MALRD1: variants seen among roughly 807,000 people sequenced by gnomAD.
The protein encoded by MALRD1 is MAM and LDL receptor class A domain containing 1.
A neutral mutation model predicts 242.1 loss-of-function variants in MALRD1; 247 were observed. The observed-to-expected ratio is 1.02, with a 90% CI of 0.92 to 1.13. MALRD1 has a LOEUF of 1.13. MALRD1 is among the 50% of genes most tolerant of loss of function. The pLI is 0.00. For synonymous variants in MALRD1, 995 were observed against 866.6 expected (o/e 1.15, Z -2.60); for missense variants, 2,989 against 2,533.1 (o/e 1.18, Z -3.86).
In MALRD1 at chr10:19,611,032, A is replaced by T. The variant is rs3852483; in HGVS notation, c.6070+3130A>T. 6.6e-5 allele frequency among the ~76,000 whole-genome samples: 10 copies of T among 151,798 alleles called. No individual in the cohort carries two copies. In the South Asian group the frequency reaches 2.1e-3, roughly 32 times the overall value. On this transcript the variant is annotated intron_variant, in intron 35 of 39. Coordinates refer to ENST00000454679, the MANE Select transcript of MALRD1 (RefSeq NM_001142308.3). ...AACAAGATCGAGGAAACTAGGTTTC[A>T]TAGGCAATGCAAATACTCCCCCCAG...
At chr10:19,246,148 T>A (rs1218224374) in intron 18 of MALRD1, among the ~76,000 whole-genome samples, 1 of 152,152 alleles carries the variant, frequency 6.6e-6, no homozygotes, top group African/African-American at 2.4e-5. Context: ...TGATACTATC[T>A]CAATAGAATA....
chr10:19,059,683 C>T (rs1025267707), intron 1 of MALRD1, among the ~76,000 whole-genome samples: 1 of 151,942 alleles, frequency 6.6e-6, no homozygotes, highest in East Asian at 1.9e-4. Flanking sequence ...TGAGCCACTG[C>T]GCTGGCCCTC....
intron 14 of MALRD1, among the ~76,000 whole-genome samples, chr10:19,198,878 A>G (rs1288662143): frequency 1.3e-5 from 2 of 152,168 alleles, no homozygotes; most frequent in Non-Finnish European, 2.9e-5. Context: ...TTTATTTTAA[A>G]TAATTAATGA....
chr10:19,588,445 T>C (rs1441988589), intron 33 of MALRD1, among the ~76,000 whole-genome samples: 2 of 152,288 alleles, frequency 1.3e-5, no homozygotes, highest in Middle Eastern at 6.8e-3. Flanking sequence ...ATTTGGAGTG[T>C]CCAAGCTCTA....
chr10:19,562,173 G>A (rs1033649828), intron 32 of MALRD1, among the ~76,000 whole-genome samples: 10 of 152,250 alleles, frequency 6.6e-5, no homozygotes, highest in Non-Finnish European at 1.5e-4. Flanking sequence ...GCGGGTGCCT[G>A]TAATCCCAGC....
At chr10:19,096,940 T>C (rs1248648589) in intron 4 of MALRD1, among the ~76,000 whole-genome samples, 1 of 152,212 alleles carries the variant, frequency 6.6e-6, no homozygotes, top group African/African-American at 2.4e-5. Context: ...TCTCCTTTAA[T>C]GAAATTGAAG....
chr10:19,713,210 T>C (rs638933), intron 38 of MALRD1, among the ~76,000 whole-genome samples: 91,555 of 151,998 alleles, frequency 0.6, 28,356 homozygotes, highest in African/African-American at 0.75. Context: ...ACATAAAATA[T>C]TAGTCCAACT....
intron 26 of MALRD1, among the ~76,000 whole-genome samples, chr10:19,369,487 G>A (rs1467696454): frequency 1.4e-5 from 2 of 147,890 alleles, no homozygotes; most frequent in East Asian, 3.9e-4. Context: ...ACTCTGGATG[G>A]AAGTATCATT....
chr10:19,096,420 T>G (rs1206692602), intron 4 of MALRD1, among the ~76,000 whole-genome samples: 1 of 152,206 alleles, frequency 6.6e-6, no homozygotes, highest in African/African-American at 2.4e-5. Context: ...ACGTTATTGC[T>G]GATGTGAAAA....
chr10:19,684,163 G>T (rs115422836), intron 36 of MALRD1, among the ~76,000 whole-genome samples: 1 of 152,076 alleles, frequency 6.6e-6, no homozygotes, highest in African/African-American at 2.4e-5. Flanking sequence ...AAGCAAAACC[G>T]TATGGTCAAC....
intron 33 of MALRD1, 146 bp downstream of exon 33, chr10:19,567,849 A>G (rs959360090): frequency 4.2e-6 from 3 of 709,408 alleles, no homozygotes; most frequent in East Asian, 2.7e-5. Flanking sequence ...ACTAAGAAGT[A>G]AAGTTTCTCT....
chr10:19,226,681 A>G (rs978843625), intron 18 of MALRD1, among the ~76,000 whole-genome samples: 1 of 152,128 alleles, frequency 6.6e-6, no homozygotes, highest in African/African-American at 2.4e-5. Context: ...AAATAAAGAG[A>G]AAAGAAAAGA....
intron 28 of MALRD1, among the ~76,000 whole-genome samples, chr10:19,401,230 A>G (rs1846826627): frequency 6.6e-6 from 1 of 152,142 alleles, no homozygotes; most frequent in Non-Finnish European, 1.5e-5. Context: ...CATATCTGAT[A>G]CTGTGATTCT....
At chr10:19,623,172 CG>C (rs2131628390) in intron 36 of MALRD1, among the ~76,000 whole-genome samples, 1 of 151,664 alleles carries the variant, frequency 6.6e-6, no homozygotes, top group Admixed American at 6.6e-5. Context: ...TTTTTAACAA[CG>C]TTTTTTAATG....
chr10:19,501,272 G>C (rs1837954155), intron 31 of MALRD1, among the ~76,000 whole-genome samples: 1 of 152,168 alleles, frequency 6.6e-6, no homozygotes, highest in Non-Finnish European at 1.5e-5. Context: ...TTTGACCTGT[G>C]CATTTGTAAG....
intron 10 of MALRD1, among the ~76,000 whole-genome samples, chr10:19,145,750 A>T (rs1472642128): frequency 1.3e-5 from 2 of 150,930 alleles, no homozygotes; most frequent in Admixed American, 6.6e-5. Flanking sequence ...TTTTTTTGAG[A>T]AAGTGTTAGG....
intron 21 of MALRD1, among the ~76,000 whole-genome samples, chr10:19,306,032 A>G (rs1375127025): frequency 9.4e-6 from 1 of 106,398 alleles, no homozygotes; most frequent in African/African-American, 4.0e-5. Context: ...ATACTATACT[A>G]TATATTATAT....
intron 28 of MALRD1, among the ~76,000 whole-genome samples, chr10:19,417,202 T>C (rs1833543826): frequency 6.6e-6 from 1 of 152,178 alleles, no homozygotes; most frequent in South Asian, 2.1e-4. Flanking sequence ...TCACATGGTC[T>C]CTCTGGGTCA....
At chr10:19,654,422 A>G (rs1252459116) in intron 36 of MALRD1, among the ~76,000 whole-genome samples, 1 of 152,192 alleles carries the variant, frequency 6.6e-6, no homozygotes, top group Non-Finnish European at 1.5e-5. Flanking sequence ...TAGTGCAAGC[A>G]TCAATGGAAA....
Sources: allele counts gnomAD v4.1 joint callset (sites outside exome capture counted in the v4.1 genomes callset), GRCh38; gene constraint gnomAD v4.1.1; transcripts MANE v1.5; gene names NCBI Gene and HGNC (gene_info 2026-07-23, HGNC 2026-07-21).